Variants in LYPD5 observed in about 807,000 individuals in gnomAD.
LYPD5 encodes the protein LY6/PLAUR domain containing 5, also known as ly6/PLAUR domain-containing protein 5.
A neutral mutation model predicts 19.1 loss-of-function variants in LYPD5; 21 were observed. The ratio of observed to expected loss-of-function variants is 1.10; its 90% confidence interval spans 0.78 to 1.58. LYPD5 has a LOEUF of 1.58. Among genes scored for constraint, LYPD5 ranks in the 40% most tolerant of loss-of-function variants. LYPD5 has a pLI of 0.00. For synonymous variants in LYPD5, 128 were observed against 142.7 expected (o/e 0.90, Z 0.74); for missense variants, 287 against 329.8 (o/e 0.87, Z 1.00).
upstream of LYPD5, among the ~76,000 whole-genome samples, chr19:43,804,649 C>A (rs1970255738): frequency 6.6e-6 from 1 of 152,182 alleles, no homozygotes; most frequent in Non-Finnish European, 1.5e-5. Context: ...CCAAATCCCT[C>A]CTCTTCCCAT....
At chr19:43,811,456 C>T (rs55945626) in intron 1 of LYPD5, among the ~76,000 whole-genome samples, 33,083 of 152,082 alleles carry the variant, frequency 0.22, 3,709 homozygotes, top group African/African-American at 0.26. Flanking sequence ...GAGGCCAAGG[C>T]GGGCAGATCA....
intron 1 of LYPD5, among the ~76,000 whole-genome samples, chr19:43,817,995 T>C (rs1464774840): frequency 2.6e-5 from 4 of 152,208 alleles, no homozygotes; most frequent in African/African-American, 9.6e-5. Flanking sequence ...ATTACAGGCA[T>C]GAACTACTGC....
intron 1 of LYPD5, among the ~76,000 whole-genome samples, chr19:43,812,318 T>C (rs1970330977): frequency 6.7e-6 from 1 of 149,486 alleles, no homozygotes; most frequent in African/African-American, 2.5e-5. Flanking sequence ...GGGAGGGGAA[T>C]GATTTGTGGT....
Position 43,797,473 on chromosome 19 carries a change from A to G in LYPD5, c.*118T>C, listed in dbSNP as rs1970147877. 1.2e-6 allele frequency: 1 copy of G among 852,076 alleles called. No individual in the cohort carries two copies. The allele number at this position is 852,076 out of a possible 1,614,324, so 52.8% of individuals were successfully genotyped here. A position where few individuals can be genotyped will look rare whatever the true frequency, so the allele number is the denominator to read the frequency against. On this transcript the variant is annotated 3_prime_UTR_variant, in exon 5 of 5. Coordinates refer to ENST00000377950, the MANE Select transcript of LYPD5 (RefSeq NM_001031749.3). ...ACAAGGGCGGGAGAGATGGAAGGCC[A>G]GAGGGACAGGAGTGCAATTCTTACT...
At chr19:43,815,174 T>C (rs1266645996) in intron 1 of LYPD5, among the ~76,000 whole-genome samples, 1 of 152,098 alleles carries the variant, frequency 6.6e-6, no homozygotes, top group Non-Finnish European at 1.5e-5. Flanking sequence ...GCTTTGAAAC[T>C]CAGCAGCCTT....
upstream of LYPD5, among the ~76,000 whole-genome samples, chr19:43,803,398 G>A (rs1386504462): frequency 6.6e-6 from 1 of 152,168 alleles, no homozygotes; most frequent in Non-Finnish European, 1.5e-5. Context: ...GAGACCCCAG[G>A]CTAGCACCTC....
upstream of LYPD5, among the ~76,000 whole-genome samples, chr19:43,806,976 T>C (rs1395190785): frequency 6.6e-6 from 1 of 152,218 alleles, no homozygotes; most frequent in Non-Finnish European, 1.5e-5. Context: ...CTTAGCATAA[T>C]GTCCCGAAGG....
At chr19:43,801,265 T>C (rs1970220856) in intron 1 of LYPD5, among the ~76,000 whole-genome samples, 1 of 152,092 alleles carries the variant, frequency 6.6e-6, no homozygotes, top group Admixed American at 6.6e-5. Flanking sequence ...TCTCATTGGC[T>C]GATGTGAGTG....
At chr19:43,805,813 T>G (rs1171686439), upstream of LYPD5, among the ~76,000 whole-genome samples, 1 of 152,188 alleles carries the variant, frequency 6.6e-6, no homozygotes, top group East Asian at 1.9e-4. Flanking sequence ...TGGCCTCTTT[T>G]GTTGTTTTCA....
intron 1 of LYPD5, among the ~76,000 whole-genome samples, chr19:43,819,955 T>A (rs908704549): frequency 6.7e-6 from 1 of 150,248 alleles, no homozygotes; most frequent in Admixed American, 6.6e-5. Context: ...AACTTCTGGG[T>A]CCTAAAAACT....
chr19:43,820,223 T>A (rs1020828460), intron 1 of LYPD5, among the ~76,000 whole-genome samples: 1 of 152,194 alleles, frequency 6.6e-6, no homozygotes, highest in Non-Finnish European at 1.5e-5. Flanking sequence ...AGACATACCC[T>A]GGCCATTTCA....
intron 1 of LYPD5, among the ~76,000 whole-genome samples, chr19:43,812,745 C>T (rs1970337145): frequency 6.6e-6 from 1 of 152,146 alleles, no homozygotes; most frequent in African/African-American, 2.4e-5. Context: ...AACATTTAAC[C>T]AGATTTCTTG....
At chr19:43,808,624 G>A (rs1970291514) in intron 1 of LYPD5, among the ~76,000 whole-genome samples, 1 of 152,174 alleles carries the variant, frequency 6.6e-6, no homozygotes, top group Non-Finnish European at 1.5e-5. Flanking sequence ...AAAGTGGAAG[G>A]AGTAAATTCA....
At chr19:43,818,327 G>T (rs955865535) in intron 1 of LYPD5, among the ~76,000 whole-genome samples, 1 of 152,204 alleles carries the variant, frequency 6.6e-6, no homozygotes, top group African/African-American at 2.4e-5. Flanking sequence ...AGGGAAGCAG[G>T]AGAGAGGGAA....
intron 3 of LYPD5, 29 bp downstream of exon 3, chr19:43,798,783 C>G: frequency 5.0e-6 from 8 of 1,589,480 alleles, no homozygotes; most frequent in Non-Finnish European, 6.9e-6. Context: ...ATCGTCCCTC[C>G]CGGAGCCCAG....
In LYPD5 at chr19:43,798,592, G is replaced by T; in HGVS notation, c.380C>A (p.Pro127Gln). Residue 127 changes from proline (P) to glutamine (Q), a missense_variant, in exon 4 of 5, where the codon CCG (proline) becomes CAG (glutamine). By Grantham distance (76) the Pro-to-Gln change is moderately conservative. Coordinates refer to ENST00000377950, the MANE Select transcript of LYPD5 (RefSeq NM_001031749.3). The part of the protein sequence containing the change: ...ALPNLSQAPD[P>Q]PTLSGAECYA... Reference sequence around the variant, plus strand: ...GCACTCGGCGCCGCTGAGCGTCGGCGGGTCGGGTGCTGGCAAGAGAGCGTA... The same window carrying T: ...GCACTCGGCGCCGCTGAGCGTCGGCTGGTCGGGTGCTGGCAAGAGAGCGTA... 7 of 1,610,422 alleles carry T rather than the reference G, an allele frequency of 4.3e-6. No homozygotes were observed. Among genetic ancestry groups the T allele is most frequent in the Non-Finnish European group, 5.9e-6 (7 of 1,180,036 alleles).
At chr19:43,817,225 G>T (rs1970382032) in intron 1 of LYPD5, among the ~76,000 whole-genome samples, 2 of 152,140 alleles carry the variant, frequency 1.3e-5, no homozygotes, top group South Asian at 2.1e-4. Flanking sequence ...TGGTTATTGT[G>T]GGGGAGGGGG....
upstream of LYPD5, among the ~76,000 whole-genome samples, chr19:43,804,598 T>C (rs1874857662): frequency 1.3e-5 from 2 of 152,364 alleles, no homozygotes; most frequent in Middle Eastern, 3.4e-3. Context: ...GCAGCCACTA[T>C]GGACACTCAC....
chr19:43,805,755 G>A (rs371039325), upstream of LYPD5, among the ~76,000 whole-genome samples: 11 of 152,216 alleles, frequency 7.2e-5, no homozygotes, highest in Admixed American at 2.6e-4. Context: ...TGATCCACCC[G>A]CCTCGGCCTC....
Sources: gnomAD v4.1 joint callset for allele counts (sites outside exome capture counted in the v4.1 genomes callset) on GRCh38, gnomAD v4.1.1 for gene constraint, MANE v1.5 for transcripts, NCBI Gene and HGNC (gene_info 2026-07-23, HGNC 2026-07-21) for gene names.